HPS3: variants seen among roughly 807,000 people sequenced by gnomAD.
HPS3 encodes the protein HPS3 biogenesis of lysosomal organelles complex 2 subunit 1, also known as BLOC-2 complex member HPS3.
In HPS3, 79 loss-of-function variants were observed where a neutral mutation model predicts 110.9. The ratio of observed to expected loss-of-function variants is 0.71; its 90% CI spans 0.59 to 0.86. The LOEUF is 0.86. Among genes scored for constraint, HPS3 ranks in the 40% least tolerant of loss-of-function variants. The pLI is 0.00. For missense variants in HPS3, 1,197 were observed against 1,206.2 expected, an observed-to-expected ratio of 0.99 and a Z score of 0.11; for synonymous variants, 428 against 451.0, an observed-to-expected ratio of 0.95 and a Z score of 0.65.
chr3:149,161,972 A>G lies in HPS3; in HGVS notation c.2107-176A>G, dbSNP rs73019015. On this transcript the variant is annotated intron_variant, in intron 11 of 16. Coordinates refer to ENST00000296051, the MANE Select transcript of HPS3 (RefSeq NM_032383.5). ...GTTAAATGTTAGTAACTTCTGTAAG[A>G]CAGTCAGTGGTGTCCTTTGGATAAG... is the stretch of plus-strand genomic sequence containing the variant. Among the ~76,000 whole-genome samples, 2,688 of 152,332 alleles carry G rather than the reference A, an allele frequency of 0.018. 91 individuals are homozygous for G. The highest frequency in any genetic ancestry group is 0.062 in the African/African-American group (2,589 of 41,568).
At position 149,158,795 on chromosome 3, in the gene HPS3, CT is replaced by C; in HGVS notation, c.1825del (p.Tyr609ThrfsTer14). 6.2e-7 allele frequency: 1 copy of C among 1,605,760 alleles called. No homozygotes were observed. On this transcript the variant is annotated frameshift_variant, in exon 10 of 17. Coordinates refer to ENST00000296051, the MANE Select transcript of HPS3 (RefSeq NM_032383.5). LOFTEE classifies it high-confidence loss of function. ...TACAGAAATACGAGAGAGGATTAAT[CT>C]TTTACATTAATCATTCACTTTATGA... ...GLQKYERGLI[F>X]YINHSLYENL...
intron 1 of HPS3, among the ~76,000 whole-genome samples, chr3:149,131,122 TAAAA>T (rs57667789): frequency 2.2e-5 from 3 of 138,724 alleles, no homozygotes; most frequent in East Asian, 2.1e-4. Flanking sequence ...GAGTTTATGT[TAAAA>T]AAAAAAAAAA....
chr3:149,136,215 T>TAC (rs973988240), intron 1 of HPS3, among the ~76,000 whole-genome samples: 3 of 101,000 alleles, frequency 3.0e-5, no homozygotes, highest in Non-Finnish European at 6.3e-5. Context: ...CATATATATA[T>TAC]ACACACACAC....
At chr3:149,149,817 T>A (rs914669796) in intron 5 of HPS3, among the ~76,000 whole-genome samples, 7 of 152,150 alleles carry the variant, frequency 4.6e-5, no homozygotes, top group African/African-American at 1.7e-4. Flanking sequence ...TTAATGTCAA[T>A]ATTCGAGGGT....
intron 16 of HPS3, 32 bp downstream of exon 16, chr3:149,168,015 A>T: frequency 8.0e-7 from 1 of 1,242,688 alleles, no homozygotes; most frequent in Non-Finnish European, 1.2e-6. Context: ...TTGATTATAA[A>T]CTTAAGTTTC....
chr3:149,131,013 TTAA>T (rs1374973208), intron 1 of HPS3, among the ~76,000 whole-genome samples: 1 of 152,034 alleles, frequency 6.6e-6, no homozygotes, highest in Non-Finnish European at 1.5e-5. Flanking sequence ...GGCTATGCTA[TTAA>T]TGAAGTGGAG....
At chr3:149,155,055 C>T (rs560149911) in intron 7 of HPS3, 52 bp from the exon 8 acceptor site, 17 of 905,954 alleles carry the variant, frequency 1.9e-5, no homozygotes, top group Admixed American at 3.4e-5. Flanking sequence ...TTTACAACTA[C>T]CATTTATTAA....
At chr3:149,165,602 A>G (rs919954611) in intron 14 of HPS3, among the ~76,000 whole-genome samples, 1 of 152,036 alleles carries the variant, frequency 6.6e-6, no homozygotes, top group Non-Finnish European at 1.5e-5. Flanking sequence ...TCGGGTTCCC[A>G]AAGTTCTGGG....
chr3:149,129,921 C>T lies in HPS3; in HGVS notation c.198C>T (p.Arg66=). 6.4e-7 allele frequency: 1 copy of T among 1,557,942 alleles called. No individual in the cohort carries two copies. Among genetic ancestry groups the T allele is most frequent in the Non-Finnish European group, 8.6e-7 (1 of 1,158,652 alleles). The change falls in exon 1 of 17, where the codon CGC becomes CGT. Residue 66 remains arginine (R), a synonymous_variant. Transcript: ENST00000296051. ...CAFSTLGRVL[R]LAYSEAGDYL... is the part of the protein sequence containing the mutation. ...TCTCCACGCTGGGCCGGGTGTTGCGCCTGGCCTACAGCGAGGCTGGTGAGT... is the reference window on the plus strand; with the variant it reads ...TCTCCACGCTGGGCCGGGTGTTGCGTCTGGCCTACAGCGAGGCTGGTGAGT...
chr3:149,140,589 C>A, intron 2 of HPS3, 91 bp downstream of exon 2: 1 of 1,349,454 alleles, frequency 7.4e-7, no homozygotes, highest in Non-Finnish European at 1.0e-6. Context: ...TATATGGTGC[C>A]CGGCCATGTT....
chr3:149,133,448 G>C (rs1259659269), intron 1 of HPS3, among the ~76,000 whole-genome samples: 1 of 151,984 alleles, frequency 6.6e-6, no homozygotes, highest in Non-Finnish European at 1.5e-5. Flanking sequence ...ACAGGCATGC[G>C]CTACCACTTG....
Position 149,158,720 on chromosome 3 carries a change from G to C in HPS3, c.1746G>C (p.Leu582Phe). ...LTLPYYKMSG[L>F]SMAEVLARTD... is the part of the protein sequence containing the mutation. Reference sequence around the variant, plus strand: ...TGCCATACTATAAGATGTCTGGTTTGTCTATGGCTGAAGTTCTGGCCCGCA... The same window carrying C: ...TGCCATACTATAAGATGTCTGGTTTCTCTATGGCTGAAGTTCTGGCCCGCA... Residue 582 changes from leucine (L) to phenylalanine (F), a missense_variant, in exon 10 of 17, where the codon TTG (leucine) becomes TTC (phenylalanine). Physicochemically the swap from Leu to Phe is conservative, Grantham distance 22 (BLOSUM62 0). Transcript: ENST00000296051. The C allele has an allele frequency of 6.2e-7, 1 of 1,613,746 alleles. No homozygotes were observed. Among genetic ancestry groups the C allele is most frequent in the Non-Finnish European group, 8.5e-7 (1 of 1,179,716 alleles).
rs949769547 is a variant in HPS3 at position 149,134,224 on chromosome 3, G to T, written c.217+4284G>T. Among the ~76,000 whole-genome samples, 3 of 151,970 alleles carry T rather than the reference G, an allele frequency of 2.0e-5. No individual in the cohort carries two copies. The South Asian group carries it at 6.2e-4, about 32-fold the overall frequency. On this transcript the variant is annotated intron_variant, in intron 1 of 16. Transcript: ENST00000296051. ...CTTTCAGCAGGAATATTCCAATTTTGGTATTATAAAATCTGTCTTTAATGG... is the reference window on the plus strand; with the variant it reads ...CTTTCAGCAGGAATATTCCAATTTTTGTATTATAAAATCTGTCTTTAATGG...
rs142706699 is a variant in HPS3 at position 149,162,372 on chromosome 3, C to T, written c.2292+39C>T. 8.2e-3 allele frequency: 12,993 copies of T among 1,577,674 alleles called. 64 individuals are homozygous for T. The highest frequency in any genetic ancestry group is 0.01 in the Non-Finnish European group (11,587 of 1,147,296). ...AAAATGTGATTTTTCTGGATGGCCT[C>T]ATTAAATTGGTGGTGGGGAGGGACA... On this transcript the variant is annotated intron_variant, in intron 12 of 16. Transcript: ENST00000296051.
chr3:149,143,446 G>C (rs34883226), intron 4 of HPS3, among the ~76,000 whole-genome samples: 3,397 of 152,224 alleles, frequency 0.022, 57 homozygotes, highest in South Asian at 0.036. Context: ...ACTCACACTG[G>C]AGTTTACTTG....
At chr3:149,140,991 G>C in intron 2 of HPS3, 26 bp from the exon 3 acceptor site, 1 of 1,604,728 alleles carries the variant, frequency 6.2e-7, no homozygotes, top group Admixed American at 1.7e-5. Flanking sequence ...CATTCAAGCA[G>C]GACTGTTACA....
intron 1 of HPS3, among the ~76,000 whole-genome samples, chr3:149,135,043 TC>T (rs1362238920): frequency 2.6e-5 from 4 of 152,292 alleles, no homozygotes; most frequent in African/African-American, 4.8e-5. Flanking sequence ...ATGCCCAGTG[TC>T]CTCCTCTGTA....
Position 149,151,183 on chromosome 3 carries a change from G to A in HPS3, c.1245+503G>A, listed in dbSNP as rs534902130. ...CCACCATGCCCTGCTGATTCTTTTT[G>A]TATTATTATTATTATTATTATTTTT... On this transcript the variant is annotated intron_variant, in intron 6 of 16. Transcript: ENST00000296051. Among the ~76,000 whole-genome samples, 27 of 147,566 alleles carry A rather than the reference G, an allele frequency of 1.8e-4. No individual in the cohort carries two copies. In the South Asian group the frequency reaches 5.8e-3, roughly 32 times the overall value.
chr3:149,150,687 A>T lies in HPS3; in HGVS notation c.1245+7A>T. 6.2e-7 allele frequency: 1 copy of T among 1,608,240 alleles called. No homozygotes were observed. Among genetic ancestry groups the T allele is most frequent in the Non-Finnish European group, 8.5e-7 (1 of 1,174,584 alleles). On this transcript the variant is annotated splice_region_variant and intron_variant, in intron 6 of 16. Coordinates refer to ENST00000296051, the MANE Select transcript of HPS3 (RefSeq NM_032383.5). ...CATGGACACCACCCTGAAGGTAAGAACTGGCTTATGAAGATAGTGAAACCT... is the reference window on the plus strand; with the variant it reads ...CATGGACACCACCCTGAAGGTAAGATCTGGCTTATGAAGATAGTGAAACCT...
Sources: gnomAD v4.1 joint callset for allele counts (sites outside exome capture counted in the v4.1 genomes callset) on GRCh38, gnomAD v4.1.1 for gene constraint, MANE v1.5 for transcripts, NCBI Gene and HGNC (gene_info 2026-07-23, HGNC 2026-07-21) for gene names.